GPRIN3: variants seen among roughly 807,000 people sequenced by gnomAD.
GPRIN3 encodes the protein GPRIN family member 3, also known as G protein-regulated inducer of neurite outgrowth 3.
A neutral mutation model predicts 13.7 loss-of-function variants in GPRIN3; 12 were observed. The ratio of observed to expected loss-of-function variants is 0.87; its 90% confidence interval spans 0.56 to 1.42. GPRIN3 has a LOEUF of 1.42. Ranked by LOEUF, GPRIN3 falls within the 40% of genes most tolerant of loss-of-function variation. The pLI is 0.00. For synonymous variants in GPRIN3, 377 were observed against 372.7 expected, an observed-to-expected ratio of 1.01 and a Z score of -0.13; for missense variants, 1,009 against 958.7, an observed-to-expected ratio of 1.05 and a Z score of -0.69.
chr4:89,299,885 T>C (rs1418835302), intron 1 of GPRIN3, among the ~76,000 whole-genome samples: 1 of 152,104 alleles, frequency 6.6e-6, no homozygotes, highest in Admixed American at 6.6e-5. Context: ...CATTTAAAAA[T>C]ACATAAAGCA....
At chr4:89,266,014 T>A (rs1723770006) in intron 1 of GPRIN3, among the ~76,000 whole-genome samples, 1 of 152,204 alleles carries the variant, frequency 6.6e-6, no homozygotes, top group African/African-American at 2.4e-5. Flanking sequence ...TTTTTGTGTA[T>A]TTAATGTCAA....
At position 89,249,481 on chromosome 4, in the gene GPRIN3, A is replaced by T. The variant is rs1723249591; in HGVS notation, c.630T>A (p.Ser210Arg). The stretch of plus-strand genomic sequence containing the variant: ...GTCCACCTACAGGAGAGGATGAGTG[A>T]CTGACCACCCTGGCTGCTGTCACTG... Reference protein sequence around the residue: ...QTPVTAARVVSHSSSPVGGPE... With the variant: ...QTPVTAARVVRHSSSPVGGPE... Residue 210 changes from serine (S) to arginine (R), a missense_variant, in exon 2 of 2, where the codon AGT becomes AGA. By Grantham distance (110) the Ser-to-Arg change is moderately radical (BLOSUM62 -1). Coordinates refer to ENST00000609438, the MANE Select transcript of GPRIN3 (RefSeq NM_198281.3). 10 of 1,614,068 alleles carry T rather than the reference A, an allele frequency of 6.2e-6. No homozygotes were observed. Among genetic ancestry groups the T allele is most frequent in the Non-Finnish European group, 6.8e-6 (8 of 1,179,998 alleles).
intron 1 of GPRIN3, among the ~76,000 whole-genome samples, chr4:89,257,815 C>G (rs1354792857): frequency 1.3e-5 from 2 of 152,094 alleles, no homozygotes; most frequent in African/African-American, 4.8e-5. Context: ...CCTTTAAACC[C>G]TATTACTAAC....
intron 1 of GPRIN3, among the ~76,000 whole-genome samples, chr4:89,290,602 A>G (rs1021590406): frequency 6.6e-6 from 1 of 152,136 alleles, no homozygotes; most frequent in Non-Finnish European, 1.5e-5. Flanking sequence ...CTCAACAGCC[A>G]TAGTACAGTG....
rs1722862046 is a variant in GPRIN3 at position 89,239,262 on chromosome 4, A to G, written c.*8518T>C. The G allele has an allele frequency of 6.6e-6, 1 of 152,206 alleles. No homozygotes were observed. Among genetic ancestry groups the G allele is most frequent in the African/African-American group, 2.4e-5 (1 of 41,544 alleles). The allele number at this position is 152,206 out of a possible 1,614,324, so 9.4% of individuals were successfully genotyped here. A position where few individuals can be genotyped will look rare whatever the true frequency, so the allele number is the denominator to read the frequency against. On this transcript the variant is annotated 3_prime_UTR_variant, in exon 2 of 2. Coordinates refer to ENST00000609438, the MANE Select transcript of GPRIN3 (RefSeq NM_198281.3). ...CCACACTTTTGATCTTTCTTAGTTG[A>G]GTATTTACACACATAAATGATTCTC...
chr4:89,275,379 A>T lies in GPRIN3; in HGVS notation c.-123-25146T>A, dbSNP rs1203168281. On this transcript the variant is annotated intron_variant, in intron 1 of 1. Coordinates refer to ENST00000609438, the MANE Select transcript of GPRIN3 (RefSeq NM_198281.3). ...TTTGCTAGTCAAGATATTCTAATCA[A>T]TGTTAAAATAATAGTACCCTGTCGA... Among the ~76,000 whole-genome samples, 3 of 152,192 alleles carry T rather than the reference A, an allele frequency of 2.0e-5. No individual in the cohort carries two copies. The East Asian group carries it at 5.8e-4, about 29-fold the overall frequency.
intron 1 of GPRIN3, among the ~76,000 whole-genome samples, chr4:89,289,637 T>C (rs1234525104): frequency 2.0e-5 from 3 of 152,294 alleles, no homozygotes; most frequent in South Asian, 2.1e-4. Context: ...TTACACAGTG[T>C]AGAAGCAAAG....
At chr4:89,277,873 C>T (rs1724136479) in intron 1 of GPRIN3, among the ~76,000 whole-genome samples, 1 of 152,180 alleles carries the variant, frequency 6.6e-6, no homozygotes, top group Non-Finnish European at 1.5e-5. Flanking sequence ...ATCCACACAG[C>T]CTGTTCGTTT....
intron 1 of GPRIN3, among the ~76,000 whole-genome samples, chr4:89,270,594 T>G (rs868214828): frequency 7.7e-6 from 1 of 129,416 alleles, no homozygotes; most frequent in Admixed American, 7.6e-5. Flanking sequence ...TATATATATA[T>G]ATATATAAAA....
Position 89,275,110 on chromosome 4 carries a change from A to G in GPRIN3, c.-123-24877T>C, listed in dbSNP as rs140507986. 3.8e-4 allele frequency among the ~76,000 whole-genome samples: 56 copies of G among 149,324 alleles called. No homozygotes were observed. In the East Asian group the frequency reaches 0.01, roughly 27 times the overall value. ...AGCACTGTGTTCTGGTAGCTTCTAT[A>G]TTTTCCAATAATGGACTAAGTAACT... On this transcript the variant is annotated intron_variant, in intron 1 of 1. Transcript: ENST00000609438.
chr4:89,283,480 T>C (rs1484787808), intron 1 of GPRIN3, among the ~76,000 whole-genome samples: 3 of 152,110 alleles, frequency 2.0e-5, no homozygotes, highest in Non-Finnish European at 4.4e-5. Flanking sequence ...TAGTAAGTAA[T>C]CACACAGATC....
At chr4:89,281,062 G>GC in intron 1 of GPRIN3, among the ~76,000 whole-genome samples, 1 of 151,950 alleles carries the variant, frequency 6.6e-6, no homozygotes, top group African/African-American at 2.4e-5. Context: ...GGTGAAGGGG[G>GC]GGGATAAGCA....
chr4:89,238,061 G>A lies in GPRIN3; in HGVS notation c.*9719C>T, dbSNP rs372277002. 6.6e-6 allele frequency: 1 copy of A among 152,164 alleles called. No homozygotes were observed. Among genetic ancestry groups the A allele is most frequent in the South Asian group, 2.1e-4 (1 of 4,822 alleles). 9.4% of individuals were successfully genotyped at this position (152,164 alleles called of 1,614,324 possible). A position where few individuals can be genotyped will look rare whatever the true frequency, so the allele number is the denominator to read the frequency against. ...CAAGAATAAATGTTTAAGTATGCAA[G>A]AGTTAGAGAATGGCAGCCACAGGGC... On this transcript the variant is annotated 3_prime_UTR_variant, in exon 2 of 2. Coordinates refer to ENST00000609438, the MANE Select transcript of GPRIN3 (RefSeq NM_198281.3).
At chr4:89,298,722 C>T (rs1270077905) in intron 1 of GPRIN3, among the ~76,000 whole-genome samples, 1 of 151,634 alleles carries the variant, frequency 6.6e-6, no homozygotes, top group Non-Finnish European at 1.5e-5. Flanking sequence ...TTAAATGATC[C>T]AAAGAATTCA....
chr4:89,272,250 TA>T (rs756882088), intron 1 of GPRIN3, among the ~76,000 whole-genome samples: 2 of 152,150 alleles, frequency 1.3e-5, no homozygotes, highest in Non-Finnish European at 2.9e-5. Flanking sequence ...GGGAAGGCTG[TA>T]AAAGTTGGGT....
rs1722999804 is a variant in GPRIN3, at chr4:89,243,459, C to T, written c.*4321G>A. 1 of 152,074 alleles carries T rather than the reference C, an allele frequency of 6.6e-6. No individual in the cohort carries two copies. Among genetic ancestry groups the T allele is most frequent in the African/African-American group, 2.4e-5 (1 of 41,404 alleles). 9.4% of individuals were successfully genotyped at this position (152,074 alleles called of 1,614,324 possible). Reference sequence around the variant, plus strand: ...AGAGAATCAACCAAAAAGGGCCACGCACAACATCAGGAAGCATTGCTAACA... The same window carrying T: ...AGAGAATCAACCAAAAAGGGCCACGTACAACATCAGGAAGCATTGCTAACA... On this transcript the variant is annotated 3_prime_UTR_variant, in exon 2 of 2. Transcript: ENST00000609438.
chr4:89,236,928 A>C lies in GPRIN3; in HGVS notation c.*10852T>G, dbSNP rs1476410559. ...TTTTGTTTTGGCTTTGGGCTAAAAA[A>C]ACATAGATAACAAGCAAATGCTTTG... On this transcript the variant is annotated 3_prime_UTR_variant, in exon 2 of 2. Coordinates refer to ENST00000609438, the MANE Select transcript of GPRIN3 (RefSeq NM_198281.3). 6.6e-6 allele frequency: 1 copy of C among 152,196 alleles called. No individual in the cohort carries two copies. The highest frequency in any genetic ancestry group is 1.5e-5 in the Non-Finnish European group (1 of 68,036). 9.4% of individuals were successfully genotyped at this position (152,196 alleles called of 1,614,324 possible).
Position 89,263,166 on chromosome 4 carries a change from C to T in GPRIN3, c.-123-12933G>A, listed in dbSNP as rs766241885. Among the ~76,000 whole-genome samples the T allele has an allele frequency of 3.3e-5, 5 of 152,258 alleles. No individual in the cohort carries two copies. The East Asian group carries it at 5.8e-4, about 18-fold the overall frequency. On this transcript the variant is annotated intron_variant, in intron 1 of 1. Transcript: ENST00000609438. ...ATTCAGTCAATGCTAAACACTTACC[C>T]GCCACTTGCTGCTAATGTTACCTTT... is the stretch of plus-strand genomic sequence containing the variant.
chr4:89,279,094 T>C (rs1248231056), intron 1 of GPRIN3, among the ~76,000 whole-genome samples: 2 of 152,174 alleles, frequency 1.3e-5, no homozygotes, highest in Non-Finnish European at 2.9e-5. Context: ...GAAGAACCGA[T>C]TCCCCTGGAC....
Sources: gnomAD v4.1 joint callset for allele counts (sites outside exome capture counted in the v4.1 genomes callset) on GRCh38, gnomAD v4.1.1 for gene constraint, MANE v1.5 for transcripts, NCBI Gene and HGNC (gene_info 2026-07-23, HGNC 2026-07-21) for gene names.